MAP3K4: variants seen among roughly 807,000 people sequenced by gnomAD.
MAP3K4 encodes the protein MAP three kinase 1.
A neutral mutation model predicts 185.6 loss-of-function variants in MAP3K4; 67 were observed. The ratio of observed to expected loss-of-function variants is 0.36; its 90% CI spans 0.30 to 0.44. The LOEUF (loss-of-function observed/expected upper bound fraction) is 0.44. MAP3K4 is among the 20% of genes least tolerant of loss of function. The pLI, the probability that MAP3K4 is intolerant of heterozygous loss-of-function variation, is 1.00. For missense variants in MAP3K4, 1,551 were observed against 1,995.1 expected, an observed-to-expected ratio of 0.78 and a Z score of 4.24; for synonymous variants, 702 against 710.4, an observed-to-expected ratio of 0.99 and a Z score of 0.19.
Position 161,025,018 on chromosome 6 carries a change from CCCAT to C in MAP3K4, c.153-9229_153-9226del, listed in dbSNP as rs199707447. Among the ~76,000 whole-genome samples, 290 of 151,514 alleles carry C rather than the reference CCCAT, an allele frequency of 1.9e-3. 3 individuals carry two copies. Among genetic ancestry groups the C allele is most frequent in the African/African-American group, 6.6e-3 (272 of 41,310 alleles). ...ACCCAGCCATCCATCCATCCATCCACCCATCCATCCATCCACCCACCCACCCAGT... is the reference window on the plus strand; with the variant it reads ...ACCCAGCCATCCATCCATCCATCCACCCATCCATCCACCCACCCACCCAGT... On this transcript the variant is annotated intron_variant, in intron 1 of 26. Coordinates refer to ENST00000392142, the MANE Select transcript of MAP3K4 (RefSeq NM_005922.4).
intron 3 of MAP3K4, among the ~76,000 whole-genome samples, chr6:161,052,541 T>A (rs2114770813): frequency 6.6e-6 from 1 of 152,368 alleles, no homozygotes; most frequent in South Asian, 2.1e-4. Context: ...AAATTTTGGT[T>A]CATAAGATGC....
chr6:161,050,008 G>T, intron 3 of MAP3K4, 29 bp downstream of exon 3: 1 of 1,546,442 alleles, frequency 6.5e-7, no homozygotes, highest in Non-Finnish European at 8.7e-7. Flanking sequence ...TTAATACAAT[G>T]ATATCCTTAG....
chr6:161,069,617 A>G (rs1784847519), intron 3 of MAP3K4, among the ~76,000 whole-genome samples: 1 of 152,176 alleles, frequency 6.6e-6, no homozygotes, highest in African/African-American at 2.4e-5. Flanking sequence ...TGAGAGTATC[A>G]TTCATGAATG....
intron 1 of MAP3K4, among the ~76,000 whole-genome samples, chr6:161,000,728 CAT>C (rs1263986336): frequency 5.3e-5 from 8 of 150,696 alleles, no homozygotes; most frequent in Non-Finnish European, 8.8e-5. Flanking sequence ...TATACACACA[CAT>C]ACACACACAT....
intron 1 of MAP3K4, among the ~76,000 whole-genome samples, chr6:161,014,392 C>T (rs575509888): frequency 6.6e-6 from 1 of 152,266 alleles, no homozygotes; most frequent in East Asian, 1.9e-4. Context: ...GGTTTGCTTT[C>T]CTTTCAAATC....
Position 161,061,756 on chromosome 6 carries a change from C to T in MAP3K4, c.1708-8852C>T, listed in dbSNP as rs750035954. Among the ~76,000 whole-genome samples, 37 of 152,200 alleles carry T rather than the reference C, an allele frequency of 2.4e-4. No homozygotes were observed. Among genetic ancestry groups the T allele is most frequent in the Non-Finnish European group, 4.4e-4 (30 of 68,036 alleles). ...GCTTCTTTCATTTGCATAATGTTTT[C>T]AAGGTTCATCCTTGCTGTGGTATGT... On this transcript the variant is annotated intron_variant, in intron 3 of 26. Coordinates refer to ENST00000392142, the MANE Select transcript of MAP3K4 (RefSeq NM_005922.4). This position sits in a 1 kb window ranked among gnomAD's most constrained non-coding sequence, Gnocchi z 4.2.
At chr6:161,090,118 G>A (rs993337917) in intron 11 of MAP3K4, among the ~76,000 whole-genome samples, 3 of 152,174 alleles carry the variant, frequency 2.0e-5, no homozygotes, top group Non-Finnish European at 2.9e-5. Flanking sequence ...GAAGTTACAA[G>A]TCATTTCGTA....
At chr6:161,024,339 G>C (rs1336061739) in intron 1 of MAP3K4, among the ~76,000 whole-genome samples, 1 of 152,072 alleles carries the variant, frequency 6.6e-6, no homozygotes, top group Non-Finnish European at 1.5e-5. Context: ...CCTATGCTCA[G>C]TTTCCCCTTT....
intron 1 of MAP3K4, among the ~76,000 whole-genome samples, chr6:161,010,563 A>G (rs1279468834): frequency 1.3e-5 from 2 of 152,186 alleles, no homozygotes; most frequent in Non-Finnish European, 1.5e-5. Flanking sequence ...ACTTAGTCCA[A>G]GTTTATTGCA....
In MAP3K4 at chr6:161,073,417, G is replaced by A. The variant is rs781125833; in HGVS notation, c.1951-49G>A. 4.0e-6 allele frequency: 6 copies of A among 1,494,462 alleles called. No individual in the cohort carries two copies. The South Asian group carries it at 4.1e-5, about 10-fold the overall frequency. The allele number at this position is 1,494,462 out of a possible 1,614,324, so 92.6% of individuals were successfully genotyped here. The stretch of plus-strand genomic sequence containing the variant: ...AGTAGGAAGATATAAAACACGGATC[G>A]TCTGGTTGGAGTTTATGGCTGCTGG... On this transcript the variant is annotated intron_variant, in intron 4 of 26. Transcript: ENST00000392142. The surrounding 1 kb of genome is among the most constrained non-coding windows in gnomAD (Gnocchi z 4.2).
chr6:161,034,439 T>C lies in MAP3K4; in HGVS notation c.333T>C (p.Ser111=). ...ATGTGGGGAGGCCAGCCAGTCGGTC[T>C]AATTTGAAAGGTGAGTCTTGTACTT... ...RNNVGRPASR[S]NLKEKMNAPN... Residue 111 remains serine, a synonymous_variant, in exon 2 of 27, where the codon TCT becomes TCC. Coordinates refer to ENST00000392142, the MANE Select transcript of MAP3K4 (RefSeq NM_005922.4). This position sits in a 1 kb window ranked among gnomAD's most constrained non-coding sequence, Gnocchi z 4.4. 1 of 1,613,766 alleles carries C rather than the reference T, an allele frequency of 6.2e-7. No individual in the cohort carries two copies. The highest frequency in any genetic ancestry group is 1.3e-5 in the African/African-American group (1 of 75,022).
At position 161,056,724 on chromosome 6, in the gene MAP3K4, C is replaced by A. The variant is rs564754767; in HGVS notation, c.1707+6745C>A. Among the ~76,000 whole-genome samples, 2 of 152,310 alleles carry A rather than the reference C, an allele frequency of 1.3e-5. No homozygotes were observed. The highest frequency in any genetic ancestry group is 4.1e-4 in the South Asian group (2 of 4,822). ...AGCCTTTTATAGTCAAAACACTATT[C>A]TCCAAAGTAACTTAGGTCAGCACCT... is the stretch of plus-strand genomic sequence containing the variant. On this transcript the variant is annotated intron_variant, in intron 3 of 26. Coordinates refer to ENST00000392142, the MANE Select transcript of MAP3K4 (RefSeq NM_005922.4). The surrounding 1 kb of genome is among the most constrained non-coding windows in gnomAD (Gnocchi z 5.4).
chr6:161,015,277 G>A (rs1012113368), intron 1 of MAP3K4, among the ~76,000 whole-genome samples: 2 of 151,896 alleles, frequency 1.3e-5, no homozygotes, highest in South Asian at 4.2e-4. Flanking sequence ...TGGACACATG[G>A]GGGGGAAACA....
In MAP3K4 at chr6:161,115,374, G is replaced by T. The variant is rs1778547631; in HGVS notation, c.4806+72G>T. 1 of 1,446,258 alleles carries T rather than the reference G, an allele frequency of 6.9e-7. No homozygotes were observed. Among genetic ancestry groups the T allele is most frequent in the South Asian group, 1.4e-5 (1 of 70,932 alleles). 89.6% of individuals were successfully genotyped at this position (1,446,258 alleles called of 1,614,324 possible). A position where few individuals can be genotyped will look rare whatever the true frequency, so the allele number is the denominator to read the frequency against. On this transcript the variant is annotated intron_variant, in intron 26 of 26. Coordinates refer to ENST00000392142, the MANE Select transcript of MAP3K4 (RefSeq NM_005922.4). This position sits in a 1 kb window ranked among gnomAD's most constrained non-coding sequence, Gnocchi z 6.0. Reference sequence around the variant, plus strand: ...TTCTGTTTTGCATCAAGACGTTAATGAAATTTTGAAACTTTAAAGTAGCTA... The same window carrying T: ...TTCTGTTTTGCATCAAGACGTTAATTAAATTTTGAAACTTTAAAGTAGCTA...
chr6:161,039,792 C>CATCCAACATA (rs1434482496), intron 2 of MAP3K4, among the ~76,000 whole-genome samples: 3 of 152,166 alleles, frequency 2.0e-5, no homozygotes, highest in African/African-American at 4.8e-5. Context: ...TGAATTAGAA[C>CATCCAACATA]ATCCAACATA....
At chr6:161,058,153 G>T (rs892697468) in intron 3 of MAP3K4, among the ~76,000 whole-genome samples, 1 of 152,234 alleles carries the variant, frequency 6.6e-6, no homozygotes, top group Non-Finnish European at 1.5e-5. Context: ...TGGCTGTAAA[G>T]CCATGTATGC....
rs1043437719 is a variant in MAP3K4, at chr6:161,037,327, C to T, written c.343+2878C>T. Among the ~76,000 whole-genome samples, 3 of 152,164 alleles carry T rather than the reference C, an allele frequency of 2.0e-5. No individual in the cohort carries two copies. Among genetic ancestry groups the T allele is most frequent in the African/African-American group, 4.8e-5 (2 of 41,446 alleles). ...TTCTGCGTATGCAGCCTCCATATCT[C>T]GTTTCTCTATCTGTAAAATCATCTG... On this transcript the variant is annotated intron_variant, in intron 2 of 26. Coordinates refer to ENST00000392142, the MANE Select transcript of MAP3K4 (RefSeq NM_005922.4). This position sits in a 1 kb window ranked among gnomAD's most constrained non-coding sequence, Gnocchi z 4.2.
At position 161,107,909 on chromosome 6, in the gene MAP3K4, G is replaced by A. The variant is rs150287170; in HGVS notation, c.4059G>A (p.Gln1353=). 160 of 1,613,974 alleles carry A rather than the reference G, an allele frequency of 9.9e-5. No homozygotes were observed. The Middle Eastern group carries it at 1.6e-3, about 17-fold the overall frequency. The change falls in exon 21 of 27, where the codon CAG becomes CAA. Residue 1353 remains glutamine, a synonymous_variant. Transcript: ENST00000392142. The surrounding 1 kb of genome is among the most constrained non-coding windows in gnomAD (Gnocchi z 6.2). ...WQRGNKIGEG[Q]YGKVYTCISV... ...TTGCATTGTTCACAGGAGAAGGCCAGTATGGGAAGGTGTACACCTGCATCA... is the reference window on the plus strand; with the variant it reads ...TTGCATTGTTCACAGGAGAAGGCCAATATGGGAAGGTGTACACCTGCATCA...
intron 1 of MAP3K4, among the ~76,000 whole-genome samples, chr6:161,018,266 G>T (rs758110893): frequency 2.0e-5 from 3 of 152,130 alleles, no homozygotes; most frequent in Non-Finnish European, 4.4e-5. Context: ...TTTATATAAG[G>T]CCTTCTTGAG....
Sources: allele counts gnomAD v4.1 joint callset (sites outside exome capture counted in the v4.1 genomes callset), GRCh38; gene constraint gnomAD v4.1.1; non-coding constraint Gnocchi (gnomAD v3.1); transcripts MANE v1.5; gene names NCBI Gene and HGNC (gene_info 2026-07-23, HGNC 2026-07-21).